TMEM178B: variants seen among roughly 807,000 people sequenced by gnomAD.
TMEM178B encodes the protein transmembrane protein 178B.
In TMEM178B, 5 loss-of-function variants were observed where a neutral mutation model predicts 31.0. The observed-to-expected ratio is 0.16, with a 90% CI of 0.08 to 0.34. The LOEUF is 0.34. TMEM178B is among the 10% of genes least tolerant of loss of function. The probability of loss-of-function intolerance (pLI) is 1.00; values close to 1 mark genes in which losing one functional copy is unlikely to be tolerated. For missense variants in TMEM178B, 275 were observed against 400.3 expected, an observed-to-expected ratio of 0.69 and a Z score of 2.67; for synonymous variants, 164 against 164.0, an observed-to-expected ratio of 1.00 and a Z score of 0.00.
intron 3 of TMEM178B, among the ~76,000 whole-genome samples, chr7:141,445,473 A>G (rs1001191733): frequency 1.2e-4 from 19 of 152,332 alleles, no homozygotes; most frequent in African/African-American, 3.6e-4. Flanking sequence ...GTACTTAGAA[A>G]CATGCTAGGA....
At chr7:141,283,580 G>T (rs1029352563) in intron 2 of TMEM178B, among the ~76,000 whole-genome samples, 1 of 151,994 alleles carries the variant, frequency 6.6e-6, no homozygotes, top group African/African-American at 2.4e-5. Flanking sequence ...CACTTTTCAC[G>T]TGTCTTATTG....
rs533524486 is a variant in TMEM178B at position 141,318,481 on chromosome 7, C to T, written c.496+105777C>T. On this transcript the variant is annotated intron_variant, in intron 2 of 3. Coordinates refer to ENST00000565468, the MANE Select transcript of TMEM178B (RefSeq NM_001195278.2). The surrounding 1 kb of genome is among the most constrained non-coding windows in gnomAD (Gnocchi z 4.1). ...TATTTAGCTTTCATTTCTTTGAATA[C>T]GTGTTTTATCTGATTTTAAAACTTT... is the stretch of plus-strand genomic sequence containing the variant. Among the ~76,000 whole-genome samples, 8 of 152,282 alleles carry T rather than the reference C, an allele frequency of 5.3e-5. No homozygotes were observed. The highest frequency in any genetic ancestry group is 3.9e-4 in the Admixed American group (6 of 15,288).
At chr7:141,443,354 C>A (rs1331255493) in intron 3 of TMEM178B, among the ~76,000 whole-genome samples, 2 of 152,198 alleles carry the variant, frequency 1.3e-5, no homozygotes, top group Admixed American at 1.3e-4. Flanking sequence ...GTTCTAGGAT[C>A]CCGTTCAGGA....
At chr7:141,423,927 G>C (rs1366344014) in intron 2 of TMEM178B, among the ~76,000 whole-genome samples, 1 of 148,822 alleles carries the variant, frequency 6.7e-6, no homozygotes, top group African/African-American at 2.5e-5. Flanking sequence ...TCCTGCCTTA[G>C]CCTCGCGAAT....
intron 2 of TMEM178B, among the ~76,000 whole-genome samples, chr7:141,303,387 A>G (rs1369708100): frequency 6.6e-6 from 1 of 152,198 alleles, no homozygotes; most frequent in African/African-American, 2.4e-5. Flanking sequence ...TACTCCAATT[A>G]AGGGGAGATT....
intron 3 of TMEM178B, among the ~76,000 whole-genome samples, chr7:141,448,059 T>C (rs970829724): frequency 6.6e-6 from 1 of 151,590 alleles, no homozygotes; most frequent in African/African-American, 2.4e-5. Context: ...AACCCCCTTC[T>C]CCCTAACCAG....
At chr7:141,467,269 A>C (rs531047804) in intron 3 of TMEM178B, among the ~76,000 whole-genome samples, 1 of 152,288 alleles carries the variant, frequency 6.6e-6, no homozygotes, top group African/African-American at 2.4e-5. Flanking sequence ...CATGAAAAAA[A>C]CTATGATGTT....
chr7:141,214,179 A>C (rs1012773536), intron 2 of TMEM178B, among the ~76,000 whole-genome samples: 2 of 152,246 alleles, frequency 1.3e-5, no homozygotes, highest in African/African-American at 4.8e-5. Context: ...GTCCCTTCTT[A>C]GGAGCCTAAA....
At chr7:141,313,703 A>G (rs995607211) in intron 2 of TMEM178B, among the ~76,000 whole-genome samples, 1 of 152,064 alleles carries the variant, frequency 6.6e-6, no homozygotes, top group African/African-American at 2.4e-5. Context: ...CTACAAGATC[A>G]TTCTGTGAGT....
downstream of TMEM178B, among the ~76,000 whole-genome samples, chr7:141,480,610 AG>A (rs752488139): frequency 2.6e-5 from 4 of 152,250 alleles, no homozygotes; most frequent in Non-Finnish European, 5.9e-5. Context: ...AAAAATGGAG[AG>A]GGATTCAGAA....
intron 1 of TMEM178B, among the ~76,000 whole-genome samples, chr7:141,200,773 T>C (rs1796863825): frequency 6.6e-6 from 1 of 152,110 alleles, no homozygotes; most frequent in African/African-American, 2.4e-5. Flanking sequence ...CGGAGGCAGA[T>C]CAGGGAGGGA....
At chr7:141,406,535 A>T (rs1286885477) in intron 2 of TMEM178B, among the ~76,000 whole-genome samples, 1 of 152,236 alleles carries the variant, frequency 6.6e-6, no homozygotes, top group African/African-American at 2.4e-5. Context: ...GAGGTTACTT[A>T]TCATTGCACT....
At chr7:141,394,578 A>G (rs1800603350) in intron 2 of TMEM178B, among the ~76,000 whole-genome samples, 1 of 152,216 alleles carries the variant, frequency 6.6e-6, no homozygotes. Flanking sequence ...TCCACAATGC[A>G]TGAGAACACC....
intron 2 of TMEM178B, among the ~76,000 whole-genome samples, chr7:141,326,265 G>C (rs1235740964): frequency 1.3e-5 from 2 of 151,880 alleles, no homozygotes; most frequent in Non-Finnish European, 2.9e-5. Flanking sequence ...TCATTTTTCT[G>C]AACCAAACAT....
intron 2 of TMEM178B, among the ~76,000 whole-genome samples, chr7:141,337,528 A>T (rs900268420): frequency 6.6e-6 from 1 of 152,196 alleles, no homozygotes; most frequent in Admixed American, 6.5e-5. Flanking sequence ...ATTTTTCAGT[A>T]TTATTAGCTT....
intron 2 of TMEM178B, chr7:141,416,499 A>C (rs951176519): frequency 1.3e-5 from 2 of 152,388 alleles, no homozygotes; most frequent in South Asian, 4.1e-4. Context: ...CAGGCTGGCT[A>C]TCAATATATA....
At chr7:141,405,828 G>T (rs867533564) in intron 2 of TMEM178B, among the ~76,000 whole-genome samples, 39 of 152,320 alleles carry the variant, frequency 2.6e-4, no homozygotes, top group Middle Eastern at 6.8e-3. Flanking sequence ...TTGGAGTGGC[G>T]ATGGGGCTTC....
chr7:141,121,723 C>T (rs140977204), intron 1 of TMEM178B, among the ~76,000 whole-genome samples: 43 of 152,218 alleles, frequency 2.8e-4, no homozygotes, highest in Admixed American at 4.6e-4. Flanking sequence ...ATGAGAGATG[C>T]GATGACTCTT....
At chr7:141,289,731 A>G (rs1446426371) in intron 2 of TMEM178B, among the ~76,000 whole-genome samples, 3 of 149,926 alleles carry the variant, frequency 2.0e-5, no homozygotes, top group Admixed American at 1.3e-4. Context: ...AAAAAAAAAA[A>G]GAAAAAAGAA....
Sources: allele counts gnomAD v4.1 joint callset (sites outside exome capture counted in the v4.1 genomes callset), GRCh38; gene constraint gnomAD v4.1.1; non-coding constraint Gnocchi (gnomAD v3.1); transcripts MANE v1.5; gene names NCBI Gene and HGNC (gene_info 2026-07-23, HGNC 2026-07-21).